The following CASP10 variants were observed in gnomAD, a reference collection of about 807,000 sequenced individuals.
CASP10 encodes caspase 10.
A neutral mutation model predicts 48.5 loss-of-function variants in CASP10; 41 were observed. The ratio of observed to expected loss-of-function variants is 0.85; its 90% CI spans 0.66 to 1.10. CASP10 has a LOEUF of 1.10. Ranked by LOEUF, CASP10 falls within the 50% of genes least tolerant of loss-of-function variation. The pLI, the probability that CASP10 is intolerant of heterozygous loss-of-function variation, is 0.00. For missense variants in CASP10, 614 were observed against 614.5 expected, an observed-to-expected ratio of 1.00 and a Z score of 0.01; for synonymous variants, 232 against 238.4, an observed-to-expected ratio of 0.97 and a Z score of 0.25.
chr2:201,203,577 G>C (rs1469444590), intron 5 of CASP10, among the ~76,000 whole-genome samples, 153 bp from the exon 6 acceptor site: 1 of 152,134 alleles, frequency 6.6e-6, no homozygotes, highest in Non-Finnish European at 1.5e-5. Flanking sequence ...AAAGTGCTGG[G>C]ATTACAGGCA....
intron 5 of CASP10, among the ~76,000 whole-genome samples, chr2:201,197,262 C>T (rs539774717): frequency 2.6e-5 from 4 of 152,128 alleles, no homozygotes; most frequent in South Asian, 4.2e-4. Context: ...CAGCCATGTA[C>T]CACCACGCCC....
At chr2:201,213,023 GTAA>G (rs1450883579) in intron 9 of CASP10, 1 of 152,154 alleles carries the variant, frequency 6.6e-6, no homozygotes, top group African/African-American at 2.4e-5. Flanking sequence ...GTTGATAAAG[GTAA>G]TAATAATTGG....
intron 5 of CASP10, among the ~76,000 whole-genome samples, chr2:201,197,429 A>G (rs1389688304): frequency 6.6e-6 from 1 of 152,200 alleles, no homozygotes; most frequent in African/African-American, 2.4e-5. Flanking sequence ...AGCCTGGCCA[A>G]CATAGCGAAA....
chr2:201,208,682 GT>G (rs1047912405), intron 8 of CASP10, among the ~76,000 whole-genome samples: 6 of 150,364 alleles, frequency 4.0e-5, no homozygotes, highest in Admixed American at 6.6e-5. Flanking sequence ...CATTGTTTCA[GT>G]TTTTTTTTTC....
intron 8 of CASP10, chr2:201,208,452 C>T (rs2126046433): frequency 1.4e-6 from 1 of 710,998 alleles, no homozygotes; most frequent in African/African-American, 1.9e-5. Context: ...TGAGCTCCAG[C>T]TCCACCACTA....
chr2:201,219,366 C>G lies in CASP10; in HGVS notation c.*1625C>G. On this transcript the variant is annotated 3_prime_UTR_variant, in exon 10 of 10. Coordinates refer to ENST00000286186, the MANE Select transcript of CASP10 (RefSeq NM_032977.4). ...AAGCAAAGAAGGGAATTTATTGCCT[C>G]TTTCACATTGAAACCCAGGAGTGGA... The G allele has an allele frequency of 2.3e-6, 2 of 856,878 alleles. No homozygotes were observed. 53.1% of individuals were successfully genotyped at this position (856,878 alleles called of 1,614,324 possible). A position where few individuals can be genotyped will look rare whatever the true frequency, so the allele number is the denominator to read the frequency against.
In CASP10 at chr2:201,203,269, G is replaced by A. The variant is rs933919438; in HGVS notation, c.685-461G>A. ...TTGTGAACCTTCTCCTTTGGATGGA[G>A]AGAGTTGGTTCTCTTCCCATTTCCT... On this transcript the variant is annotated intron_variant, in intron 5 of 9. Transcript: ENST00000286186. Among the ~76,000 whole-genome samples, 6 of 151,778 alleles carry A rather than the reference G, an allele frequency of 4.0e-5. No homozygotes were observed. The East Asian group carries it at 7.7e-4, about 20-fold the overall frequency.
Position 201,218,552 on chromosome 2 carries a change from T to C in CASP10, c.*811T>C, listed in dbSNP as rs1945643317. On this transcript the variant is annotated 3_prime_UTR_variant, in exon 10 of 10. Transcript: ENST00000286186. Reference sequence around the variant, plus strand: ...CCTGGGCTCAAGCGATCCTCCCACCTCAGCTTCTCAAAGTTCTGGGACTAC... The same window carrying C: ...CCTGGGCTCAAGCGATCCTCCCACCCCAGCTTCTCAAAGTTCTGGGACTAC... 1 of 958,790 alleles carries C rather than the reference T, an allele frequency of 1.0e-6. No homozygotes were observed. The highest frequency in any genetic ancestry group is 1.2e-6 in the Non-Finnish European group (1 of 805,894). The allele number at this position is 958,790 out of a possible 1,614,324, so 59.4% of individuals were successfully genotyped here.
In CASP10 at chr2:201,198,838, C is replaced by T. The variant is rs41433444; in HGVS notation, c.684+2890C>T. 5.0e-3 allele frequency among the ~76,000 whole-genome samples: 762 copies of T among 152,246 alleles called. 9 individuals are homozygous for T. Among genetic ancestry groups the T allele is most frequent in the African/African-American group, 0.017 (716 of 41,554 alleles). On this transcript the variant is annotated intron_variant, in intron 5 of 9. Coordinates refer to ENST00000286186, the MANE Select transcript of CASP10 (RefSeq NM_032977.4). The stretch of plus-strand genomic sequence containing the variant: ...TACAGGCGTGAGCCACCGCGCCCGG[C>T]CTATATTTTATTCTTAAAAATTCTT...
intron 9 of CASP10, chr2:201,212,842 G>C (rs1414285253): frequency 6.6e-6 from 1 of 152,202 alleles, no homozygotes; most frequent in African/African-American, 2.4e-5. Context: ...TGGAGAATTA[G>C]TCTAGTTTGA....
chr2:201,195,851 T>G lies in CASP10; in HGVS notation c.587T>G (p.Ile196Arg). 6.2e-7 allele frequency: 1 copy of G among 1,611,192 alleles called. No homozygotes were observed. The highest frequency in any genetic ancestry group is 8.5e-7 in the Non-Finnish European group (1 of 1,177,352). The change falls in exon 5 of 10, where the codon ATA becomes AGA. Residue 196 changes from isoleucine to arginine, a missense_variant. Ile to Arg is a moderately conservative substitution (Grantham distance 97, BLOSUM62 -3). Coordinates refer to ENST00000286186, the MANE Select transcript of CASP10 (RefSeq NM_032977.4). The stretch of plus-strand genomic sequence containing the variant: ...GTGATTTTATTTTCAGCTATCCAGA[T>G]AGTGACACCTCCTGTAGACAAGGAA... ...EKYKREKAIQ[I>R]VTPPVDKEAE...
Position 201,219,837 on chromosome 2 carries a change from A to G in CASP10, c.*2096A>G. The G allele has an allele frequency of 1.0e-6, 1 of 984,454 alleles. No individual in the cohort carries two copies. Among genetic ancestry groups the G allele is most frequent in the South Asian group, 4.7e-5 (1 of 21,270 alleles). The allele number at this position is 984,454 out of a possible 1,614,324, so 61.0% of individuals were successfully genotyped here. A position where few individuals can be genotyped will look rare whatever the true frequency, so the allele number is the denominator to read the frequency against. ...CTGTGGTTAACGCCTTCATTTATAG[A>G]TGAGGCAGCTGAGGCCTGGGGATGT... On this transcript the variant is annotated 3_prime_UTR_variant, in exon 10 of 10. Coordinates refer to ENST00000286186, the MANE Select transcript of CASP10 (RefSeq NM_032977.4).
chr2:201,196,047 G>A (rs576476434), intron 5 of CASP10, 99 bp downstream of exon 5: 27 of 780,722 alleles, frequency 3.5e-5, no homozygotes, highest in Middle Eastern at 3.4e-4. Context: ...GAGAGGCCCC[G>A]GTTTGTACCA....
At chr2:201,186,371 C>T (rs1020234479) in intron 2 of CASP10, 1 of 488,134 alleles carries the variant, frequency 2.0e-6, no homozygotes, top group Non-Finnish European at 3.7e-6. Context: ...TTCTCACTAG[C>T]AGTGAAGCCC....
At chr2:201,192,030 T>C (rs1944629907) in intron 3 of CASP10, among the ~76,000 whole-genome samples, 1 of 152,206 alleles carries the variant, frequency 6.6e-6, no homozygotes, top group African/African-American at 2.4e-5. Flanking sequence ...TTAGAAAGTA[T>C]AATGAATTTC....
rs1051573551 is a variant in CASP10 at position 201,199,792 on chromosome 2, C to G, written c.684+3844C>G. Among the ~76,000 whole-genome samples, 11 of 152,100 alleles carry G rather than the reference C, an allele frequency of 7.2e-5. 1 individual carries two copies. The highest frequency in any genetic ancestry group is 2.1e-4 in the South Asian group (1 of 4,822). On this transcript the variant is annotated intron_variant, in intron 5 of 9. Coordinates refer to ENST00000286186, the MANE Select transcript of CASP10 (RefSeq NM_032977.4). ...ATTTCACCATGTTGGCCAGGCTGGTCTCGTACTCCTGACCTAAGTTATCTG... is the reference window on the plus strand; with the variant it reads ...ATTTCACCATGTTGGCCAGGCTGGTGTCGTACTCCTGACCTAAGTTATCTG...
chr2:201,210,409 G>A (rs561924040), intron 9 of CASP10, among the ~76,000 whole-genome samples: 1 of 152,292 alleles, frequency 6.6e-6, no homozygotes, highest in East Asian at 1.9e-4. Context: ...CATTTGCTGG[G>A]CCAATGAATG....
At chr2:201,210,299 T>C (rs1371044006) in intron 9 of CASP10, among the ~76,000 whole-genome samples, 1 of 152,186 alleles carries the variant, frequency 6.6e-6, no homozygotes, top group African/African-American at 2.4e-5. Flanking sequence ...AAAGTTGCCA[T>C]CTCTGGCCCA....
chr2:201,219,714 T>TG lies in CASP10; in HGVS notation c.*1973_*1974insG. On this transcript the variant is annotated 3_prime_UTR_variant, in exon 10 of 10. Coordinates refer to ENST00000286186, the MANE Select transcript of CASP10 (RefSeq NM_032977.4). ...TTTTTACGTACTTGAGCTTTTTTTTTTTTTTTTTTCAATTTCTAGAGGAAC... is the reference window on the plus strand; with the variant it reads ...TTTTTACGTACTTGAGCTTTTTTTTTGTTTTTTTTTCAATTTCTAGAGGAAC... 9.1e-6 allele frequency: 9 copies of TG among 985,008 alleles called. No homozygotes were observed. The highest frequency in any genetic ancestry group is 1.1e-5 in the Non-Finnish European group (9 of 829,668). The allele number at this position is 985,008 out of a possible 1,614,324, so 61.0% of individuals were successfully genotyped here.
Sources: allele counts gnomAD v4.1 joint callset (sites outside exome capture counted in the v4.1 genomes callset), GRCh38; gene constraint gnomAD v4.1.1; transcripts MANE v1.5; gene names NCBI Gene and HGNC (gene_info 2026-07-23, HGNC 2026-07-21).